The following OTOGL variants were observed in gnomAD, a reference collection of about 807,000 sequenced individuals.
OTOGL encodes otogelin like, also known as otogelin-like protein.
In OTOGL, 285 loss-of-function variants were observed where a neutral mutation model predicts 318.5. That is an observed-to-expected ratio of 0.89 (90% CI 0.81 to 0.99). The LOEUF is 0.99. Ranked by LOEUF, OTOGL falls within the 50% of genes least tolerant of loss-of-function variation. The pLI is 0.00. For synonymous variants in OTOGL, 987 were observed against 936.5 expected (o/e 1.05, Z -0.99); for missense variants, 2,899 against 2,845.6 (o/e 1.02, Z -0.43).
intron 26 of OTOGL, among the ~76,000 whole-genome samples, chr12:80,289,342 G>A (rs1884867608): frequency 6.6e-6 from 1 of 152,154 alleles, no homozygotes; most frequent in Non-Finnish European, 1.5e-5. Context: ...ACCCCTACTA[G>A]GAAGTGTCTC....
chr12:80,365,341 G>A (rs1319401338), intron 52 of OTOGL, among the ~76,000 whole-genome samples: 2 of 152,040 alleles, frequency 1.3e-5, no homozygotes, highest in Admixed American at 1.3e-4. Context: ...TTTAGAATTG[G>A]TAGAGCAATT....
At position 80,343,038 on chromosome 12, in the gene OTOGL, C is replaced by A. The variant is rs115053883; in HGVS notation, c.5265+876C>A. 3.4e-3 allele frequency among the ~76,000 whole-genome samples: 517 copies of A among 152,226 alleles called. 2 individuals are homozygous for A. Among genetic ancestry groups the A allele is most frequent in the African/African-American group, 0.012 (483 of 41,544 alleles). The stretch of plus-strand genomic sequence containing the variant: ...CTGGGACTGCAGGTGCCGGCGACCA[C>A]GCCCAGCTGATATTTTTAGTACAGG... On this transcript the variant is annotated intron_variant, in intron 44 of 58. Coordinates refer to ENST00000547103, the MANE Select transcript of OTOGL (RefSeq NM_001378609.3).
intron 1 of OTOGL, among the ~76,000 whole-genome samples, chr12:80,200,109 A>G (rs148971124): frequency 2.0e-5 from 3 of 152,220 alleles, no homozygotes; most frequent in Non-Finnish European, 4.4e-5. Flanking sequence ...CAAATACTGC[A>G]TGTGAGCCTG....
rs138989860 is a variant in OTOGL, at chr12:80,358,724, A to G, written c.6175A>G (p.Asn2059Asp). 3 of 1,613,206 alleles carry G rather than the reference A, an allele frequency of 1.9e-6. No homozygotes were observed. In the African/African-American group the frequency reaches 4.0e-5, roughly 22 times the overall value. Residue 2059 changes from asparagine to aspartate, a missense_variant, in exon 51 of 59, where the codon AAT (asparagine) becomes GAT (aspartate). This residue lies in a region of OTOGL where 2,607 missense variants were observed against 2,524.9 expected (regional missense o/e 1.03). Transcript: ENST00000547103. ...MPLLNCAEDM[N>D]LVKENVSGQC... ...ATTACTCAACTGTGCAGAAGATATG[A>G]ATCTTGTGAAAGAAAATGTATCTGG...
intron 28 of OTOGL, among the ~76,000 whole-genome samples, chr12:80,303,895 G>A (rs1885937819): frequency 6.6e-6 from 1 of 152,174 alleles, no homozygotes; most frequent in African/African-American, 2.4e-5. Context: ...GCCATGTTAT[G>A]CATGGAGCCT....
rs1480898239 is a variant in OTOGL at position 80,367,709 on chromosome 12, A to G, written c.6480A>G (p.Thr2160=). The G allele has an allele frequency of 2.8e-6, 4 of 1,447,226 alleles. No homozygotes were observed. The highest frequency in any genetic ancestry group is 3.7e-6 in the Non-Finnish European group (4 of 1,094,624). 89.6% of individuals were successfully genotyped at this position (1,447,226 alleles called of 1,614,324 possible). A position where few individuals can be genotyped will look rare whatever the true frequency, so the allele number is the denominator to read the frequency against. ...NHTGFHTLNF[T]LVNCSKKCDV... is the part of the protein sequence containing the mutation. ...CGGGCTTTCACACTCTGAATTTTAC[A>G]CTGGTGAATTGTTCAAAAAAATGTG... is the stretch of plus-strand genomic sequence containing the variant. Residue 2160 remains threonine, a synonymous_variant, in exon 54 of 59, where the codon ACA becomes ACG. Coordinates refer to ENST00000547103, the MANE Select transcript of OTOGL (RefSeq NM_001378609.3).
chr12:80,169,752 A>G (rs1245886434), intron 1 of OTOGL, among the ~76,000 whole-genome samples: 1 of 152,172 alleles, frequency 6.6e-6, no homozygotes, highest in Admixed American at 6.5e-5. Context: ...TTTCCAGAAC[A>G]TGACCTACAT....
chr12:80,352,261 A>G (rs993431902), intron 44 of OTOGL, 34 bp from the exon 45 acceptor site: 1 of 1,576,054 alleles, frequency 6.3e-7, no homozygotes, highest in African/African-American at 1.4e-5. Context: ...AAATAAAACA[A>G]TATAACTTAT....
At chr12:80,100,324 T>C (rs1056614249) in intron 1 of OTOGL, among the ~76,000 whole-genome samples, 3 of 152,158 alleles carry the variant, frequency 2.0e-5, no homozygotes, top group Non-Finnish European at 4.4e-5. Context: ...CACTAGATCT[T>C]ACTTCTCCTA....
chr12:80,246,145 A>G (rs1415608814), intron 11 of OTOGL, among the ~76,000 whole-genome samples: 2 of 151,332 alleles, frequency 1.3e-5, no homozygotes, highest in Non-Finnish European at 2.9e-5. Context: ...CTAATTGAAT[A>G]CCCTTTATTT....
intron 23 of OTOGL, 72 bp from the exon 24 acceptor site, chr12:80,271,576 G>T: frequency 7.1e-7 from 1 of 1,415,504 alleles, no homozygotes; most frequent in South Asian, 1.4e-5. Context: ...CCTATTTTAT[G>T]AATTTTGGTG....
chr12:80,331,185 T>A (rs906388247), intron 37 of OTOGL, among the ~76,000 whole-genome samples: 1 of 152,184 alleles, frequency 6.6e-6, no homozygotes, highest in Non-Finnish European at 1.5e-5. Flanking sequence ...GGAGTACTCA[T>A]ACTTCTCAGT....
chr12:80,125,017 G>T (rs1870730991), intron 1 of OTOGL, among the ~76,000 whole-genome samples: 1 of 152,130 alleles, frequency 6.6e-6, no homozygotes. Context: ...TTTCCTAATT[G>T]AATACCCTTT....
intron 24 of OTOGL, among the ~76,000 whole-genome samples, chr12:80,272,637 A>G (rs976859241): frequency 1.2e-4 from 18 of 152,018 alleles, no homozygotes; most frequent in African/African-American, 3.6e-4. Flanking sequence ...CTCAATGAAC[A>G]TGTTCACACA....
intron 46 of OTOGL, 75 bp downstream of exon 46, chr12:80,353,585 A>T: frequency 1.7e-6 from 2 of 1,175,624 alleles, no homozygotes; most frequent in Non-Finnish European, 2.2e-6. Flanking sequence ...TATTGCAGAG[A>T]TGTGCTAACA....
chr12:80,197,957 T>G (rs1876195205), intron 1 of OTOGL, among the ~76,000 whole-genome samples: 1 of 152,184 alleles, frequency 6.6e-6, no homozygotes, highest in African/African-American at 2.4e-5. Flanking sequence ...GCTTTCAAAC[T>G]TTCTATTTTT....
chr12:80,223,689 G>A (rs984455706), intron 7 of OTOGL, among the ~76,000 whole-genome samples: 88 of 152,048 alleles, frequency 5.8e-4, no homozygotes, highest in African/African-American at 2.1e-3. Context: ...TAGTGATGTT[G>A]ATAATTTTTT....
chr12:80,118,173 A>G (rs1036698174), intron 1 of OTOGL, among the ~76,000 whole-genome samples: 1 of 152,142 alleles, frequency 6.6e-6, no homozygotes, highest in Non-Finnish European at 1.5e-5. Context: ...AGATTGGCCC[A>G]AGGCAGGGAA....
intron 1 of OTOGL, among the ~76,000 whole-genome samples, chr12:80,125,098 G>A (rs1467581582): frequency 6.6e-6 from 1 of 152,220 alleles, no homozygotes; most frequent in African/African-American, 2.4e-5. Context: ...GTGAGGGAGG[G>A]CATCCCTGTC....
Sources: gnomAD v4.1 joint callset for allele counts (sites outside exome capture counted in the v4.1 genomes callset) on GRCh38, gnomAD v4.1.1 for gene constraint, gnomAD v4.1.1 regional missense constraint, MANE v1.5 for transcripts, NCBI Gene and HGNC (gene_info 2026-07-23, HGNC 2026-07-21) for gene names.